TTC7A: variants seen among roughly 807,000 people sequenced by gnomAD.
TTC7A encodes tetratricopeptide repeat protein 7A.
In TTC7A, 110 loss-of-function variants were observed where a neutral mutation model predicts 103.7. The observed-to-expected ratio is 1.06, with a 90% CI of 0.91 to 1.24. The LOEUF is 1.24. Among genes scored for constraint, TTC7A ranks in the 50% most tolerant of loss-of-function variants. TTC7A has a pLI of 0.00. For missense variants in TTC7A, 1,340 were observed against 1,116.3 expected, an observed-to-expected ratio of 1.20 and a Z score of -2.86; for synonymous variants, 521 against 467.9, an observed-to-expected ratio of 1.11 and a Z score of -1.47.
chr2:47,053,421 C>T (rs1176127424), intron 18 of TTC7A, among the ~76,000 whole-genome samples: 1 of 152,212 alleles, frequency 6.6e-6, no homozygotes, highest in African/African-American at 2.4e-5. Context: ...AGGAATGCAG[C>T]GTAACACAGT....
At chr2:47,054,944 T>C (rs1291266713) in intron 18 of TTC7A, among the ~76,000 whole-genome samples, 1 of 152,046 alleles carries the variant, frequency 6.6e-6, no homozygotes, top group African/African-American at 2.4e-5. Context: ...GAAGGTGTCC[T>C]AGTTCTTTCA....
At chr2:46,981,525 T>C (rs944582064) in intron 5 of TTC7A, among the ~76,000 whole-genome samples, 1 of 152,014 alleles carries the variant, frequency 6.6e-6, no homozygotes, top group Non-Finnish European at 1.5e-5. Context: ...TGTAGGACAG[T>C]AGGAATCTGC....
chr2:47,000,383 C>T (rs943719942), intron 8 of TTC7A, among the ~76,000 whole-genome samples: 2 of 152,070 alleles, frequency 1.3e-5, no homozygotes, highest in African/African-American at 4.8e-5. Flanking sequence ...AAGGCTGAAG[C>T]GGTGAAGGGT....
chr2:47,023,377 G>C (rs752866215), intron 12 of TTC7A, 31 bp from the exon 13 acceptor site: 1 of 1,613,270 alleles, frequency 6.2e-7, no homozygotes. Flanking sequence ...AGTGACCCCT[G>C]ATGGCTCAGT....
Position 46,993,440 on chromosome 2 carries a change from C to G in TTC7A, c.765-10C>G, listed in dbSNP as rs766628050. On this transcript the variant is annotated splice_polypyrimidine_tract_variant and intron_variant, in intron 5 of 19. Transcript: ENST00000319190. ...TGGTAACAAATCTACTTCTGCCGTCCTCCCACCAGGAACATCGTGAAGGGC... is the reference window on the plus strand; with the variant it reads ...TGGTAACAAATCTACTTCTGCCGTCGTCCCACCAGGAACATCGTGAAGGGC... 6.2e-7 allele frequency: 1 copy of G among 1,613,960 alleles called. No individual in the cohort carries two copies. Among genetic ancestry groups the G allele is most frequent in the African/African-American group, 1.3e-5 (1 of 74,912 alleles).
At chr2:47,072,869 T>A (rs914398098) in intron 19 of TTC7A, among the ~76,000 whole-genome samples, 4 of 152,222 alleles carry the variant, frequency 2.6e-5, no homozygotes, top group Non-Finnish European at 4.4e-5. Context: ...CCAGTGTGGG[T>A]AGAAGAGGAT....
At chr2:47,068,224 G>C (rs1007060237) in intron 19 of TTC7A, 6 of 152,232 alleles carry the variant, frequency 3.9e-5, no homozygotes, top group Non-Finnish European at 8.8e-5. Context: ...ATGACACTCA[G>C]TGCCTGGCAT....
At chr2:46,933,645 A>G (rs1028166016) in intron 2 of TTC7A, among the ~76,000 whole-genome samples, 2 of 152,200 alleles carry the variant, frequency 1.3e-5, no homozygotes, top group African/African-American at 4.8e-5. Context: ...GTAATGAGTA[A>G]AAGTTGATTT....
intron 2 of TTC7A, among the ~76,000 whole-genome samples, chr2:46,954,744 G>T (rs1024971727): frequency 6.6e-6 from 1 of 151,922 alleles, no homozygotes; most frequent in African/African-American, 2.4e-5. Context: ...GATAATTTTT[G>T]TATTTTTAGT....
At chr2:46,970,355 G>A (rs1485906018) in intron 3 of TTC7A, among the ~76,000 whole-genome samples, 19 of 152,232 alleles carry the variant, frequency 1.2e-4, no homozygotes, top group Admixed American at 1.2e-3. Flanking sequence ...GGCCCCTGCG[G>A]GGAGTGGAAG....
chr2:47,066,486 A>C (rs1189470325), intron 19 of TTC7A, among the ~76,000 whole-genome samples: 1 of 144,734 alleles, frequency 6.9e-6, no homozygotes, highest in Non-Finnish European at 1.5e-5. Context: ...CTGGTCTCTA[A>C]GGCCAAAAGG....
At chr2:46,955,130 A>G (rs1363521888) in intron 2 of TTC7A, among the ~76,000 whole-genome samples, 1 of 151,106 alleles carries the variant, frequency 6.6e-6, no homozygotes, top group Non-Finnish European at 1.5e-5. Context: ...TCTTTTCTGG[A>G]CTTTGCCCTA....
chr2:46,981,230 A>AT (rs71397101), intron 5 of TTC7A, among the ~76,000 whole-genome samples: 49,629 of 148,540 alleles, frequency 0.33, 9,020 homozygotes, highest in East Asian at 0.67. Context: ...ACACAGATGT[A>AT]TTTTTTTTTT....
chr2:47,046,613 C>T lies in TTC7A; in HGVS notation c.1919+182C>T, dbSNP rs1325453988. On this transcript the variant is annotated intron_variant, in intron 16 of 19. Transcript: ENST00000319190. ...GTCCAGTTTGAACCTCCTGACAGTCCTCTATGAAGTACATAGAGACCCTAC... is the reference window on the plus strand; with the variant it reads ...GTCCAGTTTGAACCTCCTGACAGTCTTCTATGAAGTACATAGAGACCCTAC... Among the ~76,000 whole-genome samples, 9 of 152,198 alleles carry T rather than the reference C, an allele frequency of 5.9e-5. No homozygotes were observed. The South Asian group carries it at 1.0e-3, about 18-fold the overall frequency.
chr2:47,060,681 T>C, intron 18 of TTC7A, 88 bp from the exon 19 acceptor site: 1 of 1,270,062 alleles, frequency 7.9e-7, no homozygotes, highest in Non-Finnish European at 1.1e-6. Flanking sequence ...CTAAGACTAG[T>C]TCCCTGGCTC....
At chr2:47,053,529 T>TG (rs1683048809) in intron 18 of TTC7A, among the ~76,000 whole-genome samples, 1 of 109,232 alleles carries the variant, frequency 9.2e-6, no homozygotes, top group Non-Finnish European at 1.9e-5. Flanking sequence ...TTGGTGGGTT[T>TG]TTTTGTTTGT....
rs35897582 is a variant in TTC7A at position 46,928,459 on chromosome 2, TAAAA to T, written c.82+11205_82+11208del. On this transcript the variant is annotated intron_variant, in intron 2 of 20. Coordinates refer to the TTC7A transcript ENST00000409245. Reference sequence around the variant, plus strand: ...AAGCTCAGGTGGTGGAAAGGGAAATTAAAAAAAAAAAAAAAAAAAAAAAAAACTT... The same window carrying T: ...AAGCTCAGGTGGTGGAAAGGGAAATTAAAAAAAAAAAAAAAAAAAAAACTT... 6.1e-3 allele frequency among the ~76,000 whole-genome samples: 499 copies of T among 81,968 alleles called. 5 individuals are homozygous for T. The highest frequency in any genetic ancestry group is 0.018 in the African/African-American group (476 of 26,034). 53.8% of individuals were successfully genotyped at this position (81,968 alleles called of 152,430 possible).
intron 8 of TTC7A, among the ~76,000 whole-genome samples, chr2:47,002,545 G>T (rs759749773): frequency 4.0e-5 from 6 of 149,668 alleles, no homozygotes; most frequent in Admixed American, 6.6e-5. Flanking sequence ...AGAGCATGGG[G>T]GTACACCATG....
chr2:47,063,077 T>C (rs1040678442), intron 19 of TTC7A, among the ~76,000 whole-genome samples: 1 of 152,238 alleles, frequency 6.6e-6, no homozygotes, highest in Non-Finnish European at 1.5e-5. Flanking sequence ...TTGAACACTT[T>C]AGTGAGTCGA....
Sources: allele counts gnomAD v4.1 joint callset (sites outside exome capture counted in the v4.1 genomes callset), GRCh38; gene constraint gnomAD v4.1.1; transcripts MANE v1.5; gene names NCBI Gene and HGNC (gene_info 2026-07-23, HGNC 2026-07-21).